Variants in PLCB1 observed in about 807,000 individuals in gnomAD.
PLCB1 encodes phospholipase C beta 1, also known as 1-phosphatidylinositol 4,5-bisphosphate phosphodiesterase beta-1.
Under a neutral mutation model 161.8 loss-of-function variants are expected in PLCB1, and 46 were observed. The ratio of observed to expected loss-of-function variants is 0.28; its 90% CI spans 0.22 to 0.36. The LOEUF is 0.36. Among genes scored for constraint, PLCB1 ranks in the 10% least tolerant of loss-of-function variants. The probability of loss-of-function intolerance (pLI) is 1.00; values close to 1 mark genes in which losing one functional copy is unlikely to be tolerated. For missense variants in PLCB1, 1,016 were observed against 1,472.5 expected (o/e 0.69, Z 5.07); for synonymous variants, 517 against 503.7 (o/e 1.03, Z -0.35).
intron 9 of PLCB1, among the ~76,000 whole-genome samples, chr20:8,679,162 G>A (rs555031317): frequency 3.3e-5 from 5 of 152,272 alleles, no homozygotes; most frequent in East Asian, 1.9e-4. Context: ...TCCAGGGTGC[G>A]TTCAAAACAT....
At chr20:8,777,838 G>A (rs1033926162) in intron 27 of PLCB1, among the ~76,000 whole-genome samples, 2 of 152,050 alleles carry the variant, frequency 1.3e-5, no homozygotes, top group Non-Finnish European at 1.5e-5. Context: ...ACTTCACCGT[G>A]ACTGGGGAAG....
intron 3 of PLCB1, among the ~76,000 whole-genome samples, chr20:8,380,909 C>G (rs1237357794): frequency 6.6e-6 from 1 of 152,170 alleles, no homozygotes; most frequent in Non-Finnish European, 1.5e-5. Flanking sequence ...GTTGACTTCT[C>G]TCTTCCTATT....
At chr20:8,372,902 T>C (rs708931) in intron 3 of PLCB1, among the ~76,000 whole-genome samples, 72,729 of 151,968 alleles carry the variant, frequency 0.48, 17,523 homozygotes, top group Middle Eastern at 0.6. Context: ...ATCAGAGCCC[T>C]GTTTGTCCCC....
chr20:8,769,481 TA>T (rs1982557226), intron 26 of PLCB1, among the ~76,000 whole-genome samples: 1 of 152,172 alleles, frequency 6.6e-6, no homozygotes, highest in Non-Finnish European at 1.5e-5. Context: ...CTATAGTATA[TA>T]AATTACTCTT....
In PLCB1 at chr20:8,555,934, G is replaced by A. The variant is rs560792721; in HGVS notation, c.247-72360G>A. ...TCATTTTGAGACAAATTTTAAAATC[G>A]TTTTAGACTTGACAAATTACATGAA... On this transcript the variant is annotated intron_variant, in intron 3 of 31. Coordinates refer to ENST00000338037, the MANE Select transcript of PLCB1 (RefSeq NM_015192.4). 4.6e-5 allele frequency among the ~76,000 whole-genome samples: 7 copies of A among 151,756 alleles called. No homozygotes were observed. The East Asian group carries it at 7.8e-4, about 17-fold the overall frequency.
chr20:8,518,125 T>C (rs1214726848), intron 3 of PLCB1, among the ~76,000 whole-genome samples: 1 of 151,800 alleles, frequency 6.6e-6, no homozygotes, highest in East Asian at 1.9e-4. Flanking sequence ...GAGGTTGCAG[T>C]GAGCCAAGAT....
chr20:8,518,947 G>A (rs961664746), intron 3 of PLCB1, among the ~76,000 whole-genome samples: 1 of 151,910 alleles, frequency 6.6e-6, no homozygotes, highest in African/African-American at 2.4e-5. Context: ...TCCCAGTGGG[G>A]TTCTTGCTCC....
At chr20:8,486,232 A>G (rs1039020527) in intron 3 of PLCB1, among the ~76,000 whole-genome samples, 2 of 152,256 alleles carry the variant, frequency 1.3e-5, no homozygotes, top group South Asian at 2.1e-4. Context: ...TAGCCAAACC[A>G]TATCAGAGGG....
intron 2 of PLCB1, among the ~76,000 whole-genome samples, chr20:8,263,798 C>G (rs1568610036): frequency 6.6e-6 from 1 of 152,074 alleles, no homozygotes; most frequent in Non-Finnish European, 1.5e-5. Flanking sequence ...CTGTATAAAA[C>G]ACTTACCATG....
intron 2 of PLCB1, among the ~76,000 whole-genome samples, chr20:8,247,951 CCTT>C (rs771423846): frequency 2.6e-5 from 4 of 152,022 alleles, no homozygotes; most frequent in Non-Finnish European, 4.4e-5. Flanking sequence ...ATAAAATTAT[CCTT>C]CTTCTTCTTT....
intron 2 of PLCB1, among the ~76,000 whole-genome samples, chr20:8,228,624 C>T (rs1979829937): frequency 6.6e-6 from 1 of 152,136 alleles, no homozygotes. Context: ...TCTCTCACCT[C>T]AGCCTCCCAC....
rs538975042 is a variant in PLCB1 at position 8,553,051 on chromosome 20, G to C, written c.247-75243G>C. ...GAAAACAGTCCGATTTACATCCATC[G>C]CTGCATTATAAAGAACAGGGCTGAA... On this transcript the variant is annotated intron_variant, in intron 3 of 31. Transcript: ENST00000338037. Among the ~76,000 whole-genome samples, 3 of 152,162 alleles carry C rather than the reference G, an allele frequency of 2.0e-5. No homozygotes were observed. The South Asian group carries it at 6.2e-4, about 32-fold the overall frequency.
intron 3 of PLCB1, chr20:8,623,727 G>A (rs376125979): frequency 2.6e-5 from 4 of 152,068 alleles, no homozygotes; most frequent in African/African-American, 4.8e-5. Flanking sequence ...AACATCCTCC[G>A]AGTCTTTTGC....
intron 2 of PLCB1, among the ~76,000 whole-genome samples, chr20:8,339,252 C>G (rs1453377860): frequency 1.3e-5 from 2 of 152,172 alleles, no homozygotes; most frequent in African/African-American, 2.4e-5. Context: ...CACTTTATAT[C>G]TCACCAGGAG....
intron 12 of PLCB1, among the ~76,000 whole-genome samples, chr20:8,709,557 T>G (rs1369014806): frequency 6.6e-6 from 1 of 152,288 alleles, no homozygotes; most frequent in East Asian, 1.9e-4. Context: ...TCCTTCCTAT[T>G]GGGAGTCTTT....
At chr20:8,186,287 A>G (rs1029586882) in intron 2 of PLCB1, among the ~76,000 whole-genome samples, 2 of 152,162 alleles carry the variant, frequency 1.3e-5, no homozygotes, top group Non-Finnish European at 2.9e-5. Flanking sequence ...AATTTTCTCT[A>G]TGTGATTATT....
At chr20:8,689,726 T>G (rs896831253) in intron 10 of PLCB1, among the ~76,000 whole-genome samples, 5 of 151,976 alleles carry the variant, frequency 3.3e-5, no homozygotes, top group Admixed American at 6.5e-5. Context: ...ACAATCAAAT[T>G]AATTTCTTCT....
intron 3 of PLCB1, among the ~76,000 whole-genome samples, chr20:8,448,197 G>GA (rs1281257061): frequency 6.6e-6 from 1 of 152,172 alleles, no homozygotes; most frequent in Non-Finnish European, 1.5e-5. Context: ...TGAACAGAAT[G>GA]AAAAATGTGT....
At chr20:8,254,804 A>G (rs898327075) in intron 2 of PLCB1, among the ~76,000 whole-genome samples, 1 of 152,066 alleles carries the variant, frequency 6.6e-6, no homozygotes, top group Non-Finnish European at 1.5e-5. Context: ...AAATGGTGTC[A>G]TATGTCTTAG....
Sources: allele counts gnomAD v4.1 joint callset (sites outside exome capture counted in the v4.1 genomes callset), GRCh38; gene constraint gnomAD v4.1.1; transcripts MANE v1.5; gene names NCBI Gene and HGNC (gene_info 2026-07-23, HGNC 2026-07-21).